The following CAMTA1 variants were observed in gnomAD, a reference collection of about 807,000 sequenced individuals.
CAMTA1 encodes calmodulin-binding transcription activator 1.
A neutral mutation model predicts 170.9 loss-of-function variants in CAMTA1; 27 were observed. The observed-to-expected ratio is 0.16, with a 90% confidence interval of 0.12 to 0.22. The LOEUF (loss-of-function observed/expected upper bound fraction) is 0.22. Among genes scored for constraint, CAMTA1 ranks in the 10% least tolerant of loss-of-function variants. CAMTA1 has a pLI of 1.00. For synonymous variants in CAMTA1, 833 were observed against 891.5 expected (o/e 0.93, Z 1.17); for missense variants, 1,619 against 2,217.2 (o/e 0.73, Z 5.42).
Position 7,732,016 on chromosome 1 carries a change from CT to C in CAMTA1, c.2915-419del, listed in dbSNP as rs77932760. ...AGTGTTTTGGTAAAAGATATACTAC[CT>C]TTTTTTTTTTTTGTCTAACATACCT... is the stretch of plus-strand genomic sequence containing the variant. On this transcript the variant is annotated intron_variant, in intron 11 of 22. Coordinates refer to ENST00000303635, the MANE Select transcript of CAMTA1 (RefSeq NM_015215.4). The surrounding 1 kb of genome is among the most constrained non-coding windows in gnomAD (Gnocchi z 4.1). Among the ~76,000 whole-genome samples the C allele has an allele frequency of 5.1e-3, 736 of 143,242 alleles. 6 individuals are homozygous for C. Among genetic ancestry groups the C allele is most frequent in the African/African-American group, 0.015 (575 of 39,094 alleles). 94.0% of individuals were successfully genotyped at this position (143,242 alleles called of 152,430 possible).
chr1:7,698,307 A>G (rs975824699), intron 11 of CAMTA1: 4 of 152,212 alleles, frequency 2.6e-5, no homozygotes, highest in Non-Finnish European at 5.9e-5. Flanking sequence ...AAAAAATTTC[A>G]TAATGTTTTA....
intron 3 of CAMTA1, among the ~76,000 whole-genome samples, chr1:6,931,716 C>G (rs1225582157): frequency 6.6e-6 from 1 of 152,188 alleles, no homozygotes; most frequent in African/African-American, 2.4e-5. Context: ...CACACATACC[C>G]CCACATGCCT....
intron 3 of CAMTA1, among the ~76,000 whole-genome samples, chr1:6,835,461 A>C (rs2148635521): frequency 6.6e-6 from 1 of 152,300 alleles, no homozygotes; most frequent in Non-Finnish European, 1.5e-5. Flanking sequence ...AGAGGCTGGC[A>C]TTCTTTAGCT....
At chr1:7,388,092 G>A (rs1003951059) in intron 5 of CAMTA1, 17 of 152,034 alleles carry the variant, frequency 1.1e-4, no homozygotes, top group African/African-American at 4.1e-4. Context: ...ACTAGCCTTG[G>A]GTGGATGATC....
chr1:7,232,111 G>A (rs1662948456), intron 4 of CAMTA1, among the ~76,000 whole-genome samples: 1 of 152,234 alleles, frequency 6.6e-6, no homozygotes, highest in Admixed American at 6.5e-5. Context: ...CCTGTTAGAG[G>A]ACTCCAGGGC....
At chr1:6,859,505 C>T (rs1663834645) in intron 3 of CAMTA1, among the ~76,000 whole-genome samples, 1 of 152,172 alleles carries the variant, frequency 6.6e-6, no homozygotes, top group Non-Finnish European at 1.5e-5. Flanking sequence ...AAATGTTGTA[C>T]CAGGCCAGGT....
At chr1:6,796,245 G>A (rs1642482375) in intron 1 of CAMTA1, among the ~76,000 whole-genome samples, 1 of 150,056 alleles carries the variant, frequency 6.7e-6, no homozygotes, top group Non-Finnish European at 1.5e-5. Context: ...TTGGGCTCAG[G>A]TGATCCCTCA....
chr1:6,909,210 C>T (rs1314832832), intron 3 of CAMTA1, among the ~76,000 whole-genome samples: 1 of 152,254 alleles, frequency 6.6e-6, no homozygotes, highest in African/African-American at 2.4e-5. Flanking sequence ...ACTGGAGAAT[C>T]CTTGGGACTT....
intron 5 of CAMTA1, among the ~76,000 whole-genome samples, chr1:7,453,882 G>A (rs952829985): frequency 4.6e-5 from 7 of 152,240 alleles, no homozygotes; most frequent in Non-Finnish European, 7.3e-5. Context: ...CCGGCCCCCC[G>A]CAGCAGCCCG....
intron 3 of CAMTA1, among the ~76,000 whole-genome samples, chr1:6,955,686 C>G (rs746540709): frequency 6.6e-6 from 1 of 152,116 alleles, no homozygotes; most frequent in Non-Finnish European, 1.5e-5. Context: ...TCCCTAGCTC[C>G]GTGCCTGGTA....
intron 3 of CAMTA1, among the ~76,000 whole-genome samples, chr1:6,999,336 T>C (rs771334607): frequency 3.9e-5 from 6 of 152,200 alleles, no homozygotes; most frequent in Non-Finnish European, 8.8e-5. Context: ...TGGCAGGCTG[T>C]ACAAGCATGG....
chr1:7,214,604 G>A (rs1659412209), intron 4 of CAMTA1, among the ~76,000 whole-genome samples: 1 of 152,116 alleles, frequency 6.6e-6, no homozygotes, highest in Admixed American at 6.6e-5. Context: ...TGGACCTCGT[G>A]ATCCACCCGC....
chr1:6,924,126 T>C (rs937073262), intron 3 of CAMTA1, among the ~76,000 whole-genome samples: 4 of 152,180 alleles, frequency 2.6e-5, no homozygotes, highest in Non-Finnish European at 5.9e-5. Flanking sequence ...GTTCATGTCA[T>C]GAATATTTAT....
At position 7,586,826 on chromosome 1, in the gene CAMTA1, C is replaced by T. The variant is rs1015444919; in HGVS notation, c.511-53574C>T. Among the ~76,000 whole-genome samples, 61 of 152,054 alleles carry T rather than the reference C, an allele frequency of 4.0e-4. 1 individual carries two copies. The highest frequency in any genetic ancestry group is 9.8e-4 in the Admixed American group (15 of 15,276). Reference sequence around the variant, plus strand: ...CTGTGCAGGGGTCATGTGGCTCCCACGGTGGCTGCGGTGGAACTGAGGTGC... The same window carrying T: ...CTGTGCAGGGGTCATGTGGCTCCCATGGTGGCTGCGGTGGAACTGAGGTGC... On this transcript the variant is annotated intron_variant, in intron 6 of 22. Coordinates refer to ENST00000303635, the MANE Select transcript of CAMTA1 (RefSeq NM_015215.4).
intron 6 of CAMTA1, among the ~76,000 whole-genome samples, chr1:7,621,073 G>A (rs867609233): frequency 4.6e-5 from 7 of 152,088 alleles, no homozygotes; most frequent in Middle Eastern, 6.9e-3. Context: ...TCCAATGCTG[G>A]GAAGAGCAGG....
intron 6 of CAMTA1, among the ~76,000 whole-genome samples, chr1:7,636,985 A>C (rs562696588): frequency 6.6e-6 from 1 of 152,354 alleles, no homozygotes; most frequent in African/African-American, 2.4e-5. Flanking sequence ...GAATCAGGGA[A>C]GGCTTCCTGG....
At chr1:7,025,989 G>A (rs374019401) in intron 3 of CAMTA1, among the ~76,000 whole-genome samples, 2 of 152,146 alleles carry the variant, frequency 1.3e-5, no homozygotes, top group East Asian at 1.9e-4. Context: ...GTGTGATGGC[G>A]GATGCCTGTG....
chr1:7,589,162 G>A (rs1200212157), intron 6 of CAMTA1, among the ~76,000 whole-genome samples: 1 of 152,162 alleles, frequency 6.6e-6, no homozygotes, highest in African/African-American at 2.4e-5. Flanking sequence ...CTTGAGGGCC[G>A]ACAGGGTCAG....
intron 5 of CAMTA1, among the ~76,000 whole-genome samples, chr1:7,417,124 C>T (rs550952497): frequency 1.3e-5 from 2 of 152,348 alleles, no homozygotes; most frequent in East Asian, 1.9e-4. Flanking sequence ...GCTGCCTGAT[C>T]GTTCCTCTGG....
Sources: allele counts gnomAD v4.1 joint callset (sites outside exome capture counted in the v4.1 genomes callset), GRCh38; gene constraint gnomAD v4.1.1; non-coding constraint Gnocchi (gnomAD v3.1); transcripts MANE v1.5; gene names NCBI Gene and HGNC (gene_info 2026-07-23, HGNC 2026-07-21).